ZSCAN2: variants seen among roughly 807,000 people sequenced by gnomAD.
ZSCAN2 encodes the protein zinc finger and SCAN domain-containing protein 2.
A neutral mutation model predicts 47.8 loss-of-function variants in ZSCAN2; 26 were observed. That is an observed-to-expected ratio of 0.54 (90% CI 0.40 to 0.75). The LOEUF is 0.75. ZSCAN2 is among the 30% of genes least tolerant of loss of function. The pLI is 0.00. For missense variants in ZSCAN2, 732 were observed against 785.4 expected (o/e 0.93, Z 0.81); for synonymous variants, 305 against 288.7 (o/e 1.06, Z -0.57).
intron 2 of ZSCAN2, among the ~76,000 whole-genome samples, chr15:84,608,462 G>A (rs1019155656): frequency 6.6e-6 from 1 of 151,542 alleles, no homozygotes; most frequent in Non-Finnish European, 1.5e-5. Context: ...GAACCTGGGA[G>A]GCGGAGGTTG....
intron 2 of ZSCAN2, among the ~76,000 whole-genome samples, chr15:84,607,612 G>T (rs1196782999): frequency 6.6e-6 from 1 of 152,102 alleles, no homozygotes; most frequent in African/African-American, 2.4e-5. Flanking sequence ...GGGTTCAAGT[G>T]ATTCTCCTGC....
At chr15:84,605,948 A>G (rs1175761873) in intron 2 of ZSCAN2, among the ~76,000 whole-genome samples, 1 of 152,238 alleles carries the variant, frequency 6.6e-6, no homozygotes, top group East Asian at 1.9e-4. Context: ...ATCCCTTAAG[A>G]TCATGTGCCT....
chr15:84,612,599 G>C (rs2078907084), intron 2 of ZSCAN2, among the ~76,000 whole-genome samples: 1 of 152,120 alleles, frequency 6.6e-6, no homozygotes, highest in African/African-American at 2.4e-5. Context: ...GCCGGACGTG[G>C]TGTCCGGCGC....
Position 84,622,690 on chromosome 15 carries a change from C to G in ZSCAN2, c.*650C>G. 1 of 717,080 alleles carries G rather than the reference C, an allele frequency of 1.4e-6. No homozygotes were observed. The highest frequency in any genetic ancestry group is 2.6e-6 in the Non-Finnish European group (1 of 385,062). 44.4% of individuals were successfully genotyped at this position (717,080 alleles called of 1,614,324 possible). On this transcript the variant is annotated 3_prime_UTR_variant, in exon 3 of 3. Transcript: ENST00000546148. ...AACTTGAGGAAGTACAGCCTGGAGC[C>G]AGTGTCCCAGTGTCCTTTCCATTGG...
In ZSCAN2 at chr15:84,620,842, A is replaced by T; in HGVS notation, c.647A>T (p.Tyr216Phe). The change falls in exon 3 of 3, where the codon TAC becomes TTC. Residue 216 changes from tyrosine (Y) to phenylalanine (F), a missense_variant. By Grantham distance (22) the Tyr-to-Phe change is conservative. Around this residue, in one of 2 missense-constraint regions of ZSCAN2, gnomAD observed 320 missense variants for 287.4 expected, o/e 1.11. Coordinates refer to ENST00000546148, the MANE Select transcript of ZSCAN2 (RefSeq NM_181877.4). ...VGQLIGLQGT[Y>F]LGEKPYECPQ... ...CAGCTCATAGGCCTGCAGGGCACCTACCTAGGGGAGAAGCCCTACGAATGT... is the reference window on the plus strand; with the variant it reads ...CAGCTCATAGGCCTGCAGGGCACCTTCCTAGGGGAGAAGCCCTACGAATGT... 1 of 1,614,230 alleles carries T rather than the reference A, an allele frequency of 6.2e-7. No homozygotes were observed. The highest frequency in any genetic ancestry group is 2.2e-5 in the East Asian group (1 of 44,886).
At position 84,613,837 on chromosome 15, in the gene ZSCAN2, A is replaced by G. The variant is rs541036684; in HGVS notation, c.407-6765A>G. ...GCTGGGATTACAGGCATGTACCACC[A>G]TGCCCAGCTCATTTTTGTATTTTTA... On this transcript the variant is annotated intron_variant, in intron 2 of 2. Coordinates refer to ENST00000546148, the MANE Select transcript of ZSCAN2 (RefSeq NM_181877.4). 2.6e-5 allele frequency among the ~76,000 whole-genome samples: 4 copies of G among 151,798 alleles called. No individual in the cohort carries two copies. In the South Asian group the frequency reaches 8.3e-4, roughly 32 times the overall value.
Position 84,620,615 on chromosome 15 carries a change from G to A in ZSCAN2, c.420G>A (p.Gln140=), listed in dbSNP as rs1274155812. The part of the protein sequence containing the change: ...QTLQDSDFEI[Q]SENGENCNQD... ...TCATTGTTTCAGATTTTGAGATACA[G>A]AGTGAAAATGGGGAGAACTGTAATC... The change falls in exon 3 of 3, where the codon CAG becomes CAA. Residue 140 remains glutamine (Q), a synonymous_variant. Transcript: ENST00000546148. 6.2e-7 allele frequency: 1 copy of A among 1,600,880 alleles called. No homozygotes were observed. The highest frequency in any genetic ancestry group is 8.6e-7 in the Non-Finnish European group (1 of 1,169,078).
At chr15:84,614,229 C>A (rs1485027914) in intron 2 of ZSCAN2, among the ~76,000 whole-genome samples, 1 of 151,908 alleles carries the variant, frequency 6.6e-6, no homozygotes, top group African/African-American at 2.4e-5. Context: ...TGGCCTCATG[C>A]AGTCCTCTCA....
In ZSCAN2 at chr15:84,622,761, T is replaced by C. The variant is rs1203130100; in HGVS notation, c.*721T>C. The C allele has an allele frequency of 5.7e-6, 4 of 701,114 alleles. No individual in the cohort carries two copies. Among genetic ancestry groups the C allele is most frequent in the South Asian group, 1.5e-5 (1 of 65,210 alleles). 43.4% of individuals were successfully genotyped at this position (701,114 alleles called of 1,614,324 possible). ...CAGGAAAGGGGTAAACCGAGGACAT[T>C]TCAGTGCTTGCTTTTGTCTCTGCCT... On this transcript the variant is annotated 3_prime_UTR_variant, in exon 3 of 3. Coordinates refer to ENST00000546148, the MANE Select transcript of ZSCAN2 (RefSeq NM_181877.4).
intron 2 of ZSCAN2, among the ~76,000 whole-genome samples, chr15:84,610,418 A>C (rs1264572205): frequency 6.6e-6 from 1 of 151,968 alleles, no homozygotes; most frequent in African/African-American, 2.4e-5. Context: ...ATGAAGTGTG[A>C]ATAAGCAATA....
chr15:84,619,671 G>A lies in ZSCAN2; in HGVS notation c.407-931G>A, dbSNP rs1022256966. ...AAAGGAGACTGAGCTTTAGGGAAAT[G>A]TCTATGGTACCAATAAAAAAACTCA... On this transcript the variant is annotated intron_variant, in intron 2 of 2. Coordinates refer to ENST00000546148, the MANE Select transcript of ZSCAN2 (RefSeq NM_181877.4). Among the ~76,000 whole-genome samples the A allele has an allele frequency of 6.6e-5, 10 of 152,168 alleles. 1 individual carries two copies. The highest frequency in any genetic ancestry group is 2.4e-4 in the African/African-American group (10 of 41,442).
At position 84,620,980 on chromosome 15, in the gene ZSCAN2, G is replaced by T; in HGVS notation, c.785G>T (p.Gly262Val). 1 of 1,614,014 alleles carries T rather than the reference G, an allele frequency of 6.2e-7. No individual in the cohort carries two copies. The highest frequency in any genetic ancestry group is 8.5e-7 in the Non-Finnish European group (1 of 1,180,012). The change falls in exon 3 of 3, where the codon GGT (glycine) becomes GTT (valine). Residue 262 changes from glycine to valine, a missense_variant. Gly to Val is a moderately radical substitution (Grantham distance 109, BLOSUM62 -3). Around this residue, in one of 2 missense-constraint regions of ZSCAN2, gnomAD observed 412 missense variants for 498.0 expected, o/e 0.83. Coordinates refer to ENST00000546148, the MANE Select transcript of ZSCAN2 (RefSeq NM_181877.4). ...GAATGTGGAAAAAGCTTTAGTGATG[G>T]TTCAAATTTTAGTAGACACCAAACC... ...CDECGKSFSD[G>V]SNFSRHQTTH...
rs530701167 is a variant in ZSCAN2, at chr15:84,617,285, A to C, written c.407-3317A>C. The stretch of plus-strand genomic sequence containing the variant: ...ACCCTATCTCTACTAAAAATACAAA[A>C]ATTAGCCAGGCGTGTTGGCGTGCGC... On this transcript the variant is annotated intron_variant, in intron 2 of 2. Transcript: ENST00000546148. 3.3e-5 allele frequency among the ~76,000 whole-genome samples: 5 copies of C among 151,730 alleles called. No individual in the cohort carries two copies. In the South Asian group the frequency reaches 6.2e-4, roughly 19 times the overall value.
Position 84,621,770 on chromosome 15 carries a change from G to A in ZSCAN2, c.1575G>A (p.Thr525=), listed in dbSNP as rs200824884. 5.1e-5 allele frequency: 83 copies of A among 1,614,046 alleles called. No homozygotes were observed. Among genetic ancestry groups the A allele is most frequent in the Admixed American group, 1.0e-4 (6 of 60,008 alleles). Residue 525 remains threonine (T), a synonymous_variant, in exon 3 of 3, where the codon ACG becomes ACA. Coordinates refer to ENST00000546148, the MANE Select transcript of ZSCAN2 (RefSeq NM_181877.4). The surrounding 1 kb of genome is among the most constrained non-coding windows in gnomAD (Gnocchi z 5.7). The stretch of plus-strand genomic sequence containing the variant: ...TCGTAGTGCACCAGCGGACCCACAC[G>A]GGCGAGAAGCCCTACAAATGCCTCA... ...SQLVVHQRTH[T]GEKPYKCLMC...
At chr15:84,616,255 A>G in intron 2 of ZSCAN2, 1 of 918,248 alleles carries the variant, frequency 1.1e-6, no homozygotes. Context: ...AAATAAATAA[A>G]TACCTTGGAT....
chr15:84,612,401 G>T (rs1679539340), intron 2 of ZSCAN2, among the ~76,000 whole-genome samples: 1 of 152,166 alleles, frequency 6.6e-6, no homozygotes, highest in Admixed American at 6.5e-5. Context: ...GACCTCCTTA[G>T]TGAGGTTTAT....
In ZSCAN2 at chr15:84,622,469, G is replaced by A. The variant is rs114466419; in HGVS notation, c.*429G>A. 2,072 of 619,518 alleles carry A rather than the reference G, an allele frequency of 3.3e-3. 28 individuals are homozygous for A. The African/African-American group carries it at 0.035, about 10-fold the overall frequency. 38.4% of individuals were successfully genotyped at this position (619,518 alleles called of 1,614,324 possible). On this transcript the variant is annotated 3_prime_UTR_variant, in exon 3 of 3. Coordinates refer to ENST00000546148, the MANE Select transcript of ZSCAN2 (RefSeq NM_181877.4). ...GGTTGTTTTGTTGTTTTGCTGCCAC[G>A]TTGTTGGGCTAAGGTGCCTTCACCC...
chr15:84,607,801 G>T (rs530010193), intron 2 of ZSCAN2, among the ~76,000 whole-genome samples: 2 of 152,120 alleles, frequency 1.3e-5, no homozygotes, highest in East Asian at 3.9e-4. Context: ...GAGCCACCAC[G>T]CCTGGCCCTT....
chr15:84,604,025 T>G lies in ZSCAN2; in HGVS notation c.98T>G (p.Met33Arg). 1 of 1,614,078 alleles carries G rather than the reference T, an allele frequency of 6.2e-7. No individual in the cohort carries two copies. Among genetic ancestry groups the G allele is most frequent in the Non-Finnish European group, 8.5e-7 (1 of 1,180,016 alleles). Residue 33 changes from methionine (M) to arginine (R), a missense_variant, in exon 2 of 3, where the codon ATG (methionine) becomes AGG (arginine). Around this residue, in one of 2 missense-constraint regions of ZSCAN2, gnomAD observed 320 missense variants for 287.4 expected, o/e 1.11. Transcript: ENST00000546148. The part of the protein sequence containing the change: ...EDRQEEEVTT[M>R]ILEDDSWVQE... ...AGACAGGAGGAGGAGGTCACCACCA[T>G]GATCCTGGAGGATGACTCCTGGGTG...
Sources: allele counts gnomAD v4.1 joint callset (sites outside exome capture counted in the v4.1 genomes callset), GRCh38; gene constraint gnomAD v4.1.1; regional missense constraint gnomAD v4.1.1; non-coding constraint Gnocchi (gnomAD v3.1); transcripts MANE v1.5; gene names NCBI Gene and HGNC (gene_info 2026-07-23, HGNC 2026-07-21).